Variants in LAMB1 observed in about 807,000 individuals in gnomAD.
LAMB1 encodes laminin subunit beta 1, also known as laminin subunit beta-1.
A neutral mutation model predicts 222.3 loss-of-function variants in LAMB1; 121 were observed. The observed-to-expected ratio is 0.54, with a 90% confidence interval of 0.47 to 0.63. LAMB1 has a LOEUF of 0.63. Among genes scored for constraint, LAMB1 ranks in the 30% least tolerant of loss-of-function variants. The pLI, the probability that LAMB1 is intolerant of heterozygous loss-of-function variation, is 0.00. For missense variants in LAMB1, 2,172 were observed against 2,240.8 expected, an observed-to-expected ratio of 0.97 and a Z score of 0.62; for synonymous variants, 794 against 807.2, an observed-to-expected ratio of 0.98 and a Z score of 0.28.
intron 25 of LAMB1, among the ~76,000 whole-genome samples, chr7:107,938,574 T>C (rs911077398): frequency 6.6e-6 from 1 of 152,180 alleles, no homozygotes; most frequent in African/African-American, 2.4e-5. Flanking sequence ...ATAGTGACGG[T>C]AGAAACAGAG....
Position 107,943,968 on chromosome 7 carries a change from A to G in LAMB1, c.3392-3610T>C, listed in dbSNP as rs192773043. 3.3e-5 allele frequency among the ~76,000 whole-genome samples: 5 copies of G among 152,330 alleles called. No homozygotes were observed. In the East Asian group the frequency reaches 7.7e-4, roughly 24 times the overall value. On this transcript the variant is annotated intron_variant, in intron 24 of 33. Coordinates refer to ENST00000222399, the MANE Select transcript of LAMB1 (RefSeq NM_002291.3). ...ACGTAACAGAGGAAGAAGTGATGCC[A>G]TTTGTAATAAAACTTACCTTGTCTA...
chr7:107,947,708 G>C (rs888082514), intron 24 of LAMB1, among the ~76,000 whole-genome samples: 9 of 152,164 alleles, frequency 5.9e-5, no homozygotes, highest in African/African-American at 1.4e-4. Flanking sequence ...TGTAGGTTAT[G>C]AGCTTTCTCC....
At chr7:107,955,972 G>T (rs761462510) in intron 20 of LAMB1, among the ~76,000 whole-genome samples, 1 of 152,128 alleles carries the variant, frequency 6.6e-6, no homozygotes, top group Admixed American at 6.5e-5. Flanking sequence ...ATCTCAGCAC[G>T]CTGCAACCTC....
At chr7:107,955,336 C>A in intron 21 of LAMB1, 131 bp downstream of exon 21, 11 of 790,902 alleles carry the variant, frequency 1.4e-5, no homozygotes, top group Non-Finnish European at 2.0e-5. Context: ...AGCATCTTTT[C>A]TAATTTTTAA....
chr7:107,962,451 C>T (rs1209536512), intron 15 of LAMB1, among the ~76,000 whole-genome samples: 1 of 152,202 alleles, frequency 6.6e-6, no homozygotes, highest in African/African-American at 2.4e-5. Flanking sequence ...TGGTGGCTCA[C>T]GCCTGTAATC....
intron 4 of LAMB1, among the ~76,000 whole-genome samples, chr7:107,998,014 G>A (rs924290855): frequency 1.3e-5 from 2 of 152,148 alleles, no homozygotes; most frequent in African/African-American, 4.8e-5. Flanking sequence ...CAAAATGAAA[G>A]ATGTTACATT....
At chr7:107,951,653 A>T in intron 23 of LAMB1, among the ~76,000 whole-genome samples, 1 of 141,482 alleles carries the variant, frequency 7.1e-6, no homozygotes, top group Non-Finnish European at 1.6e-5. Flanking sequence ...AGCATGTGTC[A>T]GGAAACAACA....
chr7:107,971,956 A>G lies in LAMB1; in HGVS notation c.1562+1036T>C, dbSNP rs1336222295. Among the ~76,000 whole-genome samples the G allele has an allele frequency of 3.9e-5, 6 of 152,208 alleles. No homozygotes were observed. The East Asian group carries it at 1.2e-3, about 29-fold the overall frequency. On this transcript the variant is annotated intron_variant, in intron 13 of 33. Transcript: ENST00000222399. ...GCTTTGAACTGAGGAGTCATTTACT[A>G]AAGGATTCAACATGTGTTCTGGGAG...
chr7:107,968,044 T>C (rs1239798646), intron 13 of LAMB1, among the ~76,000 whole-genome samples: 7 of 151,840 alleles, frequency 4.6e-5, no homozygotes, highest in Non-Finnish European at 1.0e-4. Context: ...GCAGAGATGG[T>C]CAAGATCAGA....
chr7:108,002,864 C>G lies in LAMB1; in HGVS notation c.22G>C (p.Ala8Pro). Residue 8 changes from alanine (A) to proline (P), a missense_variant, in exon 2 of 34, where the codon GCT becomes CCT. Ala to Pro is a conservative substitution (Grantham distance 27, BLOSUM62 -1). Transcript: ENST00000222399. ...ACGGAATTACCTAAGAAACTGAAAG[C>G]TAGCAACTGGAGAAGCCCCATGCCG... is the stretch of plus-strand genomic sequence containing the variant. The part of the protein sequence containing the change: MGLLQLL[A>P]FSFLALCRAR... 6.2e-7 allele frequency: 1 copy of G among 1,614,188 alleles called. No homozygotes were observed. Among genetic ancestry groups the G allele is most frequent in the East Asian group, 2.2e-5 (1 of 44,874 alleles).
intron 5 of LAMB1, among the ~76,000 whole-genome samples, chr7:107,993,709 T>C (rs1563009257): frequency 6.6e-6 from 1 of 152,230 alleles, no homozygotes; most frequent in African/African-American, 2.4e-5. Context: ...GTAACATCCT[T>C]GTAGGCCGAT....
At chr7:107,973,346 G>A (rs1201122839) in intron 12 of LAMB1, among the ~76,000 whole-genome samples, 3 of 152,288 alleles carry the variant, frequency 2.0e-5, no homozygotes, top group East Asian at 3.9e-4. Context: ...ACTAAGAAGA[G>A]CAAGCAGTAA....
In LAMB1 at chr7:107,956,365, G is replaced by A. The variant is rs367582062; in HGVS notation, c.2691-735C>T. Among the ~76,000 whole-genome samples the A allele has an allele frequency of 2.1e-4, 32 of 152,292 alleles. No individual in the cohort carries two copies. In the East Asian group the frequency reaches 4.1e-3, roughly 19 times the overall value. ...GCTTCAATCACAATCACCTGAAACAGATGACTGGGCTCCTCCCACCGAGTT... is the reference window on the plus strand; with the variant it reads ...GCTTCAATCACAATCACCTGAAACAAATGACTGGGCTCCTCCCACCGAGTT... On this transcript the variant is annotated intron_variant, in intron 20 of 33. Coordinates refer to ENST00000222399, the MANE Select transcript of LAMB1 (RefSeq NM_002291.3).
At position 107,986,549 on chromosome 7, in the gene LAMB1, A is replaced by G. The variant is rs2021886; in HGVS notation, c.424-186T>C. On this transcript the variant is annotated intron_variant, in intron 5 of 33. Coordinates refer to ENST00000222399, the MANE Select transcript of LAMB1 (RefSeq NM_002291.3). ...CACAGAGACTCTTCTTGCAAGGAAA[A>G]TGTCTAACCTCTAAAATGTATACTT... 0.63 allele frequency among the ~76,000 whole-genome samples: 95,761 copies of G among 152,058 alleles called. 30,882 individuals are homozygous for G. The highest frequency in any genetic ancestry group is 0.74 in the African/African-American group (30,902 of 41,504).
At chr7:107,982,500 C>G (rs1379849090) in intron 7 of LAMB1, among the ~76,000 whole-genome samples, 2 of 152,168 alleles carry the variant, frequency 1.3e-5, no homozygotes, top group Non-Finnish European at 1.5e-5. Flanking sequence ...AAAAACTAAA[C>G]AGAGAAACCG....
Position 107,926,278 on chromosome 7 carries a change from C to T in LAMB1, c.4969G>A (p.Glu1657Lys), listed in dbSNP as rs554993741. ...RISELERNVE[E>K]LKRKAAQNSG... ...TTTTGGGCAGCTTTCCGCTTAAGTTCTTCCACATTCCTCTCTAACTCGCTG... is the reference window on the plus strand; with the variant it reads ...TTTTGGGCAGCTTTCCGCTTAAGTTTTTCCACATTCCTCTCTAACTCGCTG... Residue 1657 changes from glutamate to lysine, a missense_variant, in exon 32 of 34, where the codon GAA becomes AAA. Coordinates refer to ENST00000222399, the MANE Select transcript of LAMB1 (RefSeq NM_002291.3). The T allele has an allele frequency of 3.7e-5, 60 of 1,613,850 alleles. No individual in the cohort carries two copies. The Middle Eastern group carries it at 8.2e-4, about 22-fold the overall frequency.
chr7:107,989,415 AC>A (rs1308043061), intron 5 of LAMB1, among the ~76,000 whole-genome samples: 1 of 152,206 alleles, frequency 6.6e-6, no homozygotes, highest in African/African-American at 2.4e-5. Flanking sequence ...AATGGTGAAA[AC>A]TAGAAACATG....
chr7:107,972,190 T>A (rs959966022), intron 13 of LAMB1, among the ~76,000 whole-genome samples: 1 of 152,184 alleles, frequency 6.6e-6, no homozygotes, highest in African/African-American at 2.4e-5. Context: ...AAACACAACA[T>A]GTTCTTGCTG....
intron 20 of LAMB1, among the ~76,000 whole-genome samples, chr7:107,956,195 C>G (rs1268402094): frequency 1.3e-5 from 2 of 151,870 alleles, no homozygotes; most frequent in African/African-American, 2.4e-5. Context: ...CCATACCCAG[C>G]CTAATTTTTA....
Sources: gnomAD v4.1 joint callset for allele counts (sites outside exome capture counted in the v4.1 genomes callset) on GRCh38, gnomAD v4.1.1 for gene constraint, MANE v1.5 for transcripts, NCBI Gene and HGNC (gene_info 2026-07-23, HGNC 2026-07-21) for gene names.